CELF2: variants seen among roughly 807,000 people sequenced by gnomAD.
The protein encoded by CELF2 is CUGBP Elav-like family member 2, also known as CUG triplet repeat RNA-binding protein 2.
CELF2 carries 8 observed loss-of-function variants against 62.6 expected under a neutral mutation model. The observed-to-expected ratio is 0.13, with a 90% CI of 0.07 to 0.23. CELF2 has a LOEUF of 0.23. CELF2 is among the 10% of genes least tolerant of loss of function. The probability of loss-of-function intolerance (pLI) is 1.00; values close to 1 mark genes in which losing one functional copy is unlikely to be tolerated. For missense variants in CELF2, 333 were observed against 671.0 expected (o/e 0.50, Z 5.56); for synonymous variants, 258 against 250.0 (o/e 1.03, Z -0.30).
chr10:10,645,725 T>C, the CELF2 span, among the ~76,000 whole-genome samples: 15 of 152,352 alleles, frequency 9.8e-5, no homozygotes, highest in African/African-American at 3.1e-4. Flanking sequence ...GAGAGTGTCC[T>C]GTTCACTGTA....
At chr10:11,235,145 CAAAACAGACATAAAGACAAAAAA>C (rs879420313) in intron 3 of CELF2, among the ~76,000 whole-genome samples, 2,701 of 152,044 alleles carry the variant, frequency 0.018, 41 homozygotes, top group Middle Eastern at 0.051. Context: ...AAGACAAAAA[CAAAACAGACATAAAGACAAAAAA>C]AACAAAGCAA....
rs2083428796 is a variant in CELF2, at chr10:11,270,443, C to G, written c.619-223C>G. Among the ~76,000 whole-genome samples the G allele has an allele frequency of 6.6e-6, 1 of 152,186 alleles. No homozygotes were observed. Among genetic ancestry groups the G allele is most frequent in the South Asian group, 2.1e-4 (1 of 4,822 alleles). The stretch of plus-strand genomic sequence containing the variant: ...CTAATCAGAGCAAGAAAGCAAGTGA[C>G]TTCACCGACCACCAGATCCCCCAAA... On this transcript the variant is annotated intron_variant, in intron 6 of 12. Transcript: ENST00000633077. This position sits in a 1 kb window ranked among gnomAD's most constrained non-coding sequence, Gnocchi z 5.8.
intron 1 of CELF2, among the ~76,000 whole-genome samples, chr10:11,024,461 C>T (rs535968900): frequency 7.2e-4 from 109 of 152,118 alleles, no homozygotes; most frequent in African/African-American, 2.1e-3. Context: ...ATTAGTTCGC[C>T]GTGGTTTCGC....
At position 11,227,605 on chromosome 10, in the gene CELF2, T is replaced by C. The variant is rs1319656722; in HGVS notation, c.354+10098T>C. Among the ~76,000 whole-genome samples, 7 of 152,232 alleles carry C rather than the reference T, an allele frequency of 4.6e-5. No individual in the cohort carries two copies. Among genetic ancestry groups the C allele is most frequent in the Non-Finnish European group, 8.8e-5 (6 of 68,036 alleles). On this transcript the variant is annotated intron_variant, in intron 3 of 12. Coordinates refer to ENST00000633077, the MANE Select transcript of CELF2 (RefSeq NM_001326342.2). This position sits in a 1 kb window ranked among gnomAD's most constrained non-coding sequence, Gnocchi z 4.8. Reference sequence around the variant, plus strand: ...CATCACATTGTGGTTTTTGCTGTTATCTGCTGTTAGATTCGGCCGGAATCT... The same window carrying C: ...CATCACATTGTGGTTTTTGCTGTTACCTGCTGTTAGATTCGGCCGGAATCT...
rs1460661464 is a variant in CELF2 at position 11,176,066 on chromosome 10, G to T, written c.271+10384G>T. ...ATGCGCTAGAGAGCGTGATCATCCT[G>T]TGCTATTCATATAATAAAGATGAAG... is the stretch of plus-strand genomic sequence containing the variant. On this transcript the variant is annotated intron_variant, in intron 2 of 12. Transcript: ENST00000633077. 3.3e-5 allele frequency among the ~76,000 whole-genome samples: 5 copies of T among 152,160 alleles called. No individual in the cohort carries two copies. The South Asian group carries it at 1.0e-3, about 31-fold the overall frequency.
intron 1 of CELF2, among the ~76,000 whole-genome samples, chr10:11,109,560 C>G (rs1180043676): frequency 6.6e-6 from 1 of 152,166 alleles, no homozygotes; most frequent in Non-Finnish European, 1.5e-5. Context: ...TAGTCACATA[C>G]CAAAGACAGA....
chr10:10,602,194 G>A, the CELF2 span, among the ~76,000 whole-genome samples: 1 of 152,166 alleles, frequency 6.6e-6, no homozygotes, highest in East Asian at 1.9e-4. Context: ...GTGCTGCAGT[G>A]AACGTGCTTG....
chr10:11,054,555 T>C (rs2064786591), intron 1 of CELF2, among the ~76,000 whole-genome samples: 1 of 152,002 alleles, frequency 6.6e-6, no homozygotes, highest in Admixed American at 6.6e-5. Context: ...AATGTCAATT[T>C]ATGAAGAATT....
the CELF2 span, among the ~76,000 whole-genome samples, chr10:10,787,883 C>G: frequency 3.9e-5 from 6 of 152,094 alleles, no homozygotes; most frequent in East Asian, 7.7e-4. Context: ...AACCTTAAAG[C>G]CTTCTTTTCT....
intron 1 of CELF2, among the ~76,000 whole-genome samples, chr10:10,883,155 T>A (rs1252645431): frequency 6.6e-6 from 1 of 152,250 alleles, no homozygotes; most frequent in Non-Finnish European, 1.5e-5. Flanking sequence ...CAGACCCATG[T>A]ATATCCATTT....
In CELF2 at chr10:10,997,513, A is replaced by C. The variant is rs189682339; in HGVS notation, c.89+77514A>C. 1.8e-3 allele frequency among the ~76,000 whole-genome samples: 276 copies of C among 152,312 alleles called. 3 individuals are homozygous for C. The highest frequency in any genetic ancestry group is 0.017 in the Admixed American group (263 of 15,298). On this transcript the variant is annotated intron_variant, in intron 2 of 13. Coordinates refer to the CELF2 transcript ENST00000636488. This position sits in a 1 kb window ranked among gnomAD's most constrained non-coding sequence, Gnocchi z 5.3. ...TTACTTCTTAGGATTCCCTAGAATC[A>C]AAACCACTAGGAAAGGAAGATCCCC...
rs2064776537 is a variant in CELF2, at chr10:11,157,574, C to T, written c.75-7912C>T. ...ATTGGTTTTGGTTTTATGTTGTGTCCATGTCTGTCTCTTCTAATTGGCCAT... is the reference window on the plus strand; with the variant it reads ...ATTGGTTTTGGTTTTATGTTGTGTCTATGTCTGTCTCTTCTAATTGGCCAT... On this transcript the variant is annotated intron_variant, in intron 1 of 12. Coordinates refer to ENST00000633077, the MANE Select transcript of CELF2 (RefSeq NM_001326342.2). This position sits in a 1 kb window ranked among gnomAD's most constrained non-coding sequence, Gnocchi z 4.9. 6.6e-6 allele frequency among the ~76,000 whole-genome samples: 1 copy of T among 152,088 alleles called. No individual in the cohort carries two copies. Among genetic ancestry groups the T allele is most frequent in the Non-Finnish European group, 1.5e-5 (1 of 68,020 alleles).
At chr10:10,818,449 C>T (rs1182669292) in intron 1 of CELF2, among the ~76,000 whole-genome samples, 2 of 152,072 alleles carry the variant, frequency 1.3e-5, no homozygotes, top group Non-Finnish European at 2.9e-5. Flanking sequence ...GTTGTATGAC[C>T]TTACTTACAG....
intron 1 of CELF2, among the ~76,000 whole-genome samples, chr10:10,814,902 C>CT (rs2056303607): frequency 6.6e-6 from 1 of 152,200 alleles, no homozygotes; most frequent in Non-Finnish European, 1.5e-5. Flanking sequence ...TCTAGAGCAC[C>CT]TAGGGCATGA....
intron 1 of CELF2, among the ~76,000 whole-genome samples, chr10:11,095,296 A>G (rs1282435525): frequency 1.3e-5 from 2 of 152,222 alleles, no homozygotes; most frequent in Non-Finnish European, 2.9e-5. Context: ...ACTTCATTAG[A>G]ATGAGCATCC....
At chr10:11,326,437 A>G (rs984607329) in intron 12 of CELF2, among the ~76,000 whole-genome samples, 3 of 152,242 alleles carry the variant, frequency 2.0e-5, no homozygotes, top group African/African-American at 7.2e-5. Context: ...AGCAGTTGAC[A>G]GATCTCACGG....
chr10:10,878,067 C>A (rs1239479069), intron 1 of CELF2, among the ~76,000 whole-genome samples: 1 of 152,186 alleles, frequency 6.6e-6, no homozygotes, highest in Non-Finnish European at 1.5e-5. Flanking sequence ...CTACCAGAGC[C>A]TGAGGCAATC....
rs540049047 is a variant in CELF2, at chr10:11,076,406, A to G, written c.74+58243A>G. On this transcript the variant is annotated intron_variant, in intron 1 of 12. Coordinates refer to ENST00000633077, the MANE Select transcript of CELF2 (RefSeq NM_001326342.2). The stretch of plus-strand genomic sequence containing the variant: ...TGCAAGGACGTAGGCTTGATTTGTT[A>G]TACAGCAAGAGCTAGGTAAATGTGG... Among the ~76,000 whole-genome samples, 6 of 152,338 alleles carry G rather than the reference A, an allele frequency of 3.9e-5. No homozygotes were observed. In the East Asian group the frequency reaches 5.8e-4, roughly 15 times the overall value.
the CELF2 span, among the ~76,000 whole-genome samples, chr10:10,651,996 A>T: frequency 3.3e-5 from 5 of 151,416 alleles, no homozygotes; most frequent in East Asian, 5.8e-4. Context: ...AGAATGTATA[A>T]CTAGAATAAC....
Sources: allele counts gnomAD v4.1 joint callset (sites outside exome capture counted in the v4.1 genomes callset), GRCh38; gene constraint gnomAD v4.1.1; non-coding constraint Gnocchi (gnomAD v3.1); transcripts MANE v1.5; gene names NCBI Gene and HGNC (gene_info 2026-07-23, HGNC 2026-07-21).